SIK3: variants seen among roughly 807,000 people sequenced by gnomAD.
SIK3 encodes SIK family kinase 3.
SIK3 carries 28 observed loss-of-function variants against 144.2 expected under a neutral mutation model. That is an observed-to-expected ratio of 0.19 (90% CI 0.14 to 0.27). The LOEUF is 0.27. Ranked by LOEUF, SIK3 falls within the 10% of genes least tolerant of loss-of-function variation. The pLI is 1.00. For missense variants in SIK3, 1,319 were observed against 1,776.0 expected, an observed-to-expected ratio of 0.74 and a Z score of 4.62; for synonymous variants, 686 against 676.3, an observed-to-expected ratio of 1.01 and a Z score of -0.22.
At chr11:117,032,070 G>C (rs1271391317) in intron 1 of SIK3, among the ~76,000 whole-genome samples, 1 of 152,064 alleles carries the variant, frequency 6.6e-6, no homozygotes, top group Non-Finnish European at 1.5e-5. Flanking sequence ...ACACAATCTT[G>C]ATTACTGGAG....
intron 6 of SIK3, among the ~76,000 whole-genome samples, chr11:116,891,910 T>C (rs183534484): frequency 3.9e-5 from 6 of 152,296 alleles, no homozygotes; most frequent in African/African-American, 1.4e-4. Context: ...TGGTAACTGA[T>C]CAGCTGTGGC....
intron 1 of SIK3, among the ~76,000 whole-genome samples, chr11:117,037,147 C>T (rs527777075): frequency 6.6e-6 from 1 of 152,164 alleles, no homozygotes; most frequent in East Asian, 1.9e-4. Context: ...GGTCTTTATC[C>T]AGAATCTTGG....
intron 1 of SIK3, among the ~76,000 whole-genome samples, chr11:116,962,751 A>G (rs1949392396): frequency 6.6e-6 from 1 of 152,278 alleles, no homozygotes; most frequent in South Asian, 2.1e-4. Context: ...TAAAATATAT[A>G]CCAGATTTCA....
chr11:116,863,009 C>A (rs961891968), intron 16 of SIK3, among the ~76,000 whole-genome samples: 1 of 150,678 alleles, frequency 6.6e-6, no homozygotes, highest in Non-Finnish European at 1.5e-5. Context: ...AGGAGGCGGA[C>A]GATGCAGTGA....
chr11:116,885,920 T>C (rs11824189), intron 6 of SIK3, among the ~76,000 whole-genome samples: 5,690 of 152,288 alleles, frequency 0.037, 351 homozygotes, highest in African/African-American at 0.13. Context: ...CAGACAGTTG[T>C]TCTGAACATT....
chr11:117,026,692 A>C (rs1565571505), intron 1 of SIK3, among the ~76,000 whole-genome samples: 1 of 152,236 alleles, frequency 6.6e-6, no homozygotes, highest in Non-Finnish European at 1.5e-5. Context: ...ATATTAATAA[A>C]TGACTGAATG....
Position 116,897,292 on chromosome 11 carries a change from A to G in SIK3, c.642T>C (p.Thr214=). The change falls in exon 5 of 25, where the codon ACT becomes ACC. Residue 214 remains threonine, a synonymous_variant. Transcript: ENST00000445177. Reference sequence around the variant, plus strand: ...ACCAGGTCTTCAGCAGCTGCCCAGGAGTGAAGAGGTTACTGAAACCAAAAT... The same window carrying G: ...ACCAGGTCTTCAGCAGCTGCCCAGGGGTGAAGAGGTTACTGAAACCAAAAT... The part of the protein sequence containing the change: ...IADFGFSNLF[T]PGQLLKTWCG... 6.2e-7 allele frequency: 1 copy of G among 1,614,032 alleles called. No homozygotes were observed. The highest frequency in any genetic ancestry group is 8.5e-7 in the Non-Finnish European group (1 of 1,179,930).
At chr11:116,985,612 C>T (rs549954461) in intron 1 of SIK3, among the ~76,000 whole-genome samples, 2 of 152,122 alleles carry the variant, frequency 1.3e-5, no homozygotes, top group Admixed American at 6.6e-5. Flanking sequence ...TTGGAAATAA[C>T]CTTCATGTAT....
At chr11:117,042,155 T>G (rs531159614) in intron 1 of SIK3, among the ~76,000 whole-genome samples, 4 of 152,336 alleles carry the variant, frequency 2.6e-5, no homozygotes, top group Admixed American at 6.5e-5. Flanking sequence ...TGATATGCTA[T>G]AGTTCCCCCA....
At chr11:116,861,480 T>C (rs1308441709) in intron 18 of SIK3, 97 bp from the exon 19 acceptor site, 2 of 900,940 alleles carry the variant, frequency 2.2e-6, no homozygotes, top group South Asian at 1.7e-5. Context: ...GAAACTATTT[T>C]TTTTTACTTT....
At chr11:117,018,367 A>G (rs1000572214) in intron 1 of SIK3, among the ~76,000 whole-genome samples, 16 of 152,310 alleles carry the variant, frequency 1.1e-4, no homozygotes, top group African/African-American at 2.9e-4. Flanking sequence ...AACGCAGCTC[A>G]AACCTGTGTT....
intron 1 of SIK3, among the ~76,000 whole-genome samples, chr11:117,077,736 A>C (rs1387338772): frequency 6.6e-6 from 1 of 152,244 alleles, no homozygotes; most frequent in Non-Finnish European, 1.5e-5. Flanking sequence ...AATACAACTA[A>C]AAGAAAAACA....
intron 4 of SIK3, among the ~76,000 whole-genome samples, chr11:116,912,943 T>G (rs1946422253): frequency 6.6e-6 from 1 of 152,244 alleles, no homozygotes; most frequent in African/African-American, 2.4e-5. Flanking sequence ...ATTTAGAATG[T>G]TCTCCTGACT....
Position 116,849,190 on chromosome 11 carries a change from G to A in SIK3, c.3749C>T (p.Ser1250Phe). The change falls in exon 22 of 25, where the codon TCC becomes TTC. Residue 1250 changes from serine to phenylalanine, a missense_variant. Transcript: ENST00000445177. The surrounding 1 kb of genome is among the most constrained non-coding windows in gnomAD (Gnocchi z 4.2). ...CCGGGGCCTGTGGTGCTCATGGACG[G>A]AGGGGCGTGCTGGGTACCCGAGCCC... is the stretch of plus-strand genomic sequence containing the variant. ...HNGLGYPARPSVHEHHRPRAL... is the reference protein window; with the variant it reads ...HNGLGYPARPFVHEHHRPRAL... The A allele has an allele frequency of 1.2e-6, 2 of 1,614,118 alleles. No individual in the cohort carries two copies. The highest frequency in any genetic ancestry group is 1.7e-6 in the Non-Finnish European group (2 of 1,179,982).
At chr11:117,037,554 AG>A (rs1209214174) in intron 1 of SIK3, among the ~76,000 whole-genome samples, 1 of 152,188 alleles carries the variant, frequency 6.6e-6, no homozygotes, top group African/African-American at 2.4e-5. Context: ...TTAAGCTGTC[AG>A]GAATAGGTGT....
At chr11:116,883,857 C>T (rs1389458474) in intron 6 of SIK3, among the ~76,000 whole-genome samples, 1 of 151,952 alleles carries the variant, frequency 6.6e-6, no homozygotes, top group Non-Finnish European at 1.5e-5. Flanking sequence ...TCACTTGAAC[C>T]CGGGAGGCAG....
rs922902111 is a variant in SIK3, at chr11:116,850,287, A to G, written c.3656-1004T>C. On this transcript the variant is annotated intron_variant, in intron 21 of 24. Transcript: ENST00000445177. ...ACAACACTGCCCTGGGCTATCTTCC[A>G]ATCAGTGTCTCATATTCCCCTCTCC... Among the ~76,000 whole-genome samples the G allele has an allele frequency of 3.3e-5, 5 of 152,160 alleles. No individual in the cohort carries two copies. In the East Asian group the frequency reaches 7.7e-4, roughly 23 times the overall value.
At chr11:116,990,983 A>C (rs1355998208) in intron 1 of SIK3, among the ~76,000 whole-genome samples, 3 of 152,232 alleles carry the variant, frequency 2.0e-5, no homozygotes, top group Non-Finnish European at 4.4e-5. Context: ...TGTGCTTTAC[A>C]TATTATCCCG....
intron 1 of SIK3, among the ~76,000 whole-genome samples, chr11:117,068,094 T>C (rs1954097412): frequency 6.6e-6 from 1 of 152,168 alleles, no homozygotes; most frequent in Non-Finnish European, 1.5e-5. Flanking sequence ...ATGTAAAGGC[T>C]ACAAAGTCAA....
Sources: allele counts gnomAD v4.1 joint callset (sites outside exome capture counted in the v4.1 genomes callset), GRCh38; gene constraint gnomAD v4.1.1; non-coding constraint Gnocchi (gnomAD v3.1); transcripts MANE v1.5; gene names NCBI Gene and HGNC (gene_info 2026-07-23, HGNC 2026-07-21).